Variants in IL15 observed in about 807,000 individuals in gnomAD.
IL15 encodes interleukin 15.
IL15 carries 11 observed loss-of-function variants against 19.6 expected under a neutral mutation model. The ratio of observed to expected loss-of-function variants is 0.56; its 90% CI spans 0.35 to 0.93. IL15 has a LOEUF of 0.93. Among genes scored for constraint, IL15 ranks in the 40% least tolerant of loss-of-function variants. IL15 has a pLI of 0.01. For missense variants in IL15, 197 were observed against 186.5 expected, an observed-to-expected ratio of 1.06 and a Z score of -0.33; for synonymous variants, 58 against 59.6, an observed-to-expected ratio of 0.97 and a Z score of 0.12.
chr4:141,693,303 T>TGGTCCAATCA (rs1728985967), intron 2 of IL15, among the ~76,000 whole-genome samples: 2 of 151,940 alleles, frequency 1.3e-5, no homozygotes, highest in Admixed American at 1.3e-4. Flanking sequence ...CCCCACTGGG[T>TGGTCCAATCA]CCCTCCCTCG....
intron 2 of IL15, among the ~76,000 whole-genome samples, chr4:141,692,191 A>T (rs903503044): frequency 4.6e-5 from 7 of 152,172 alleles, no homozygotes; most frequent in African/African-American, 1.7e-4. Context: ...AGTGGCTGGA[A>T]CACAGGGTGC....
intron 2 of IL15, among the ~76,000 whole-genome samples, chr4:141,701,703 G>C (rs1390816291): frequency 6.6e-6 from 1 of 152,126 alleles, no homozygotes; most frequent in African/African-American, 2.4e-5. Context: ...CTTGATGAAG[G>C]TGGCTAAGGG....
intron 1 of IL15, among the ~76,000 whole-genome samples, chr4:141,654,214 A>C (rs1175339112): frequency 6.6e-6 from 1 of 152,238 alleles, no homozygotes; most frequent in Non-Finnish European, 1.5e-5. Flanking sequence ...TGGATCCAAC[A>C]GGGAGCCCTC....
chr4:141,640,004 A>T (rs1726990773), intron 1 of IL15, among the ~76,000 whole-genome samples: 1 of 152,174 alleles, frequency 6.6e-6, no homozygotes, highest in Non-Finnish European at 1.5e-5. Context: ...GTATGTGCAT[A>T]TATGTGTGTG....
chr4:141,700,715 GT>G (rs893620506), intron 2 of IL15, among the ~76,000 whole-genome samples: 2 of 152,096 alleles, frequency 1.3e-5, no homozygotes, highest in African/African-American at 2.4e-5. Context: ...CCTCACATAA[GT>G]TTTTCAAACT....
intron 5 of IL15, among the ~76,000 whole-genome samples, chr4:141,726,952 G>A (rs1029457455): frequency 2.6e-5 from 4 of 152,074 alleles, no homozygotes; most frequent in Admixed American, 2.0e-4. Context: ...AGATGGGGAC[G>A]CCAATCTGAA....
intron 2 of IL15, among the ~76,000 whole-genome samples, chr4:141,656,886 C>G (rs1249880630): frequency 6.6e-6 from 1 of 152,038 alleles, no homozygotes; most frequent in Non-Finnish European, 1.5e-5. Flanking sequence ...TTTTAAATGA[C>G]TGAGTCTTTT....
At chr4:141,649,481 T>C (rs551015699) in intron 1 of IL15, among the ~76,000 whole-genome samples, 2 of 152,128 alleles carry the variant, frequency 1.3e-5, no homozygotes, top group Admixed American at 1.3e-4. Flanking sequence ...GCATGCACAC[T>C]TCCTATAGAG....
chr4:141,667,445 T>C (rs530806259), intron 2 of IL15, among the ~76,000 whole-genome samples: 1 of 152,296 alleles, frequency 6.6e-6, no homozygotes, highest in Admixed American at 6.5e-5. Flanking sequence ...TGCTTGTTGG[T>C]TAGGAGAAAT....
chr4:141,684,493 G>A (rs912062786), intron 2 of IL15, among the ~76,000 whole-genome samples: 2 of 152,164 alleles, frequency 1.3e-5, no homozygotes, highest in African/African-American at 4.8e-5. Flanking sequence ...AATCATATCA[G>A]ATTCCTCCGT....
At chr4:141,692,667 T>G (rs970158046) in intron 2 of IL15, among the ~76,000 whole-genome samples, 1 of 152,226 alleles carries the variant, frequency 6.6e-6, no homozygotes, top group Non-Finnish European at 1.5e-5. Context: ...GTGTCTAAAG[T>G]GACCTTTACT....
chr4:141,701,895 G>A (rs368386619), intron 2 of IL15, among the ~76,000 whole-genome samples: 5 of 152,218 alleles, frequency 3.3e-5, no homozygotes, highest in Admixed American at 6.5e-5. Context: ...TCCAAGTAGC[G>A]GGGAATTGTG....
chr4:141,682,200 A>G lies in IL15; in HGVS notation c.-100+25893A>G, dbSNP rs1467532592. Among the ~76,000 whole-genome samples, 4 of 152,332 alleles carry G rather than the reference A, an allele frequency of 2.6e-5. No individual in the cohort carries two copies. In the East Asian group the frequency reaches 7.7e-4, roughly 29 times the overall value. On this transcript the variant is annotated intron_variant, in intron 2 of 7. Coordinates refer to ENST00000320650, the MANE Select transcript of IL15 (RefSeq NM_000585.5). ...TGTTTAAAGTTAACAAGGTAAGTAT[A>G]ACCATTAAGTTCACATATAAATGAT... is the stretch of plus-strand genomic sequence containing the variant.
chr4:141,658,909 G>A (rs1293747631), intron 2 of IL15, among the ~76,000 whole-genome samples: 5 of 150,858 alleles, frequency 3.3e-5, no homozygotes, highest in Non-Finnish European at 7.4e-5. Flanking sequence ...GCCCAGGCTG[G>A]AGTGCAGTGG....
At chr4:141,644,607 G>A (rs532890581) in intron 1 of IL15, among the ~76,000 whole-genome samples, 4 of 152,102 alleles carry the variant, frequency 2.6e-5, no homozygotes, top group East Asian at 3.9e-4. Context: ...AGCTTATCTC[G>A]TTATGGCATC....
chr4:141,659,494 C>T (rs1218393060), intron 2 of IL15, among the ~76,000 whole-genome samples: 2 of 152,198 alleles, frequency 1.3e-5, no homozygotes, highest in Non-Finnish European at 2.9e-5. Flanking sequence ...AGCCACTGCA[C>T]CTGGCCAGTG....
At chr4:141,721,829 T>A in intron 4 of IL15, 95 bp from the exon 5 acceptor site, 1 of 1,098,502 alleles carries the variant, frequency 9.1e-7, no homozygotes, top group African/African-American at 1.6e-5. Flanking sequence ...TTTTCACTGG[T>A]CAGAATAAAA....
At chr4:141,684,219 T>C (rs1217268998) in intron 2 of IL15, among the ~76,000 whole-genome samples, 1 of 152,202 alleles carries the variant, frequency 6.6e-6, no homozygotes, top group East Asian at 1.9e-4. Flanking sequence ...TAGTCTTTTT[T>C]TTCTGTTAAA....
intron 5 of IL15, among the ~76,000 whole-genome samples, chr4:141,726,030 G>A (rs1243468805): frequency 6.6e-6 from 1 of 151,896 alleles, no homozygotes; most frequent in Non-Finnish European, 1.5e-5. Context: ...TAAAACTACC[G>A]GTTCCCTTTC....
Sources: gnomAD v4.1 joint callset for allele counts (sites outside exome capture counted in the v4.1 genomes callset) on GRCh38, gnomAD v4.1.1 for gene constraint, MANE v1.5 for transcripts, NCBI Gene and HGNC (gene_info 2026-07-23, HGNC 2026-07-21) for gene names.